Variants in LGI1 observed in about 807,000 individuals in gnomAD.
LGI1 encodes leucine rich glioma inactivated 1.
Under a neutral mutation model 57.7 loss-of-function variants are expected in LGI1, and 11 were observed. The observed-to-expected ratio is 0.19, with a 90% CI of 0.12 to 0.32. LGI1 has a LOEUF of 0.32. LGI1 is among the 10% of genes least tolerant of loss of function. LGI1 has a pLI of 1.00. For missense variants in LGI1, 422 were observed against 661.9 expected (o/e 0.64, Z 3.98); for synonymous variants, 222 against 241.9 (o/e 0.92, Z 0.76).
At chr10:93,774,513 C>T (rs1355815751) in intron 2 of LGI1, among the ~76,000 whole-genome samples, 2 of 152,146 alleles carry the variant, frequency 1.3e-5, no homozygotes, top group African/African-American at 2.4e-5. Context: ...CTAAGGCATC[C>T]TTTATCCTTT....
At chr10:93,773,856 G>T (rs892304812) in intron 2 of LGI1, among the ~76,000 whole-genome samples, 2 of 152,186 alleles carry the variant, frequency 1.3e-5, no homozygotes, top group Non-Finnish European at 2.9e-5. Context: ...TGGGGCAGAG[G>T]GCAAATTCCG....
At chr10:93,767,984 A>T (rs1564841238) in intron 2 of LGI1, 1 of 152,198 alleles carries the variant, frequency 6.6e-6, no homozygotes, top group East Asian at 1.9e-4. Context: ...AAGCTCAATG[A>T]TAAAAGAGTC....
chr10:93,792,878 T>A lies in LGI1; in HGVS notation c.639T>A (p.Ser213Arg), dbSNP rs1369506178. ...PPEYKKRKIN[S>R]LSSKDFDCII... The stretch of plus-strand genomic sequence containing the variant: ...AATACAAGAAGCGCAAAATCAATAG[T>A]CTCTCCTCGAAGGATTTTGATTGCA... Residue 213 changes from serine (S) to arginine (R), a missense_variant, in exon 6 of 8, where the codon AGT becomes AGA. Around this residue, in one of 3 missense-constraint regions of LGI1, gnomAD observed 301 missense variants for 461.7 expected, o/e 0.65. Transcript: ENST00000371418. The A allele has an allele frequency of 1.3e-5, 21 of 1,613,998 alleles. No individual in the cohort carries two copies. The highest frequency in any genetic ancestry group is 1.8e-5 in the Non-Finnish European group (21 of 1,179,964).
chr10:93,760,954 A>G (rs925273351), intron 2 of LGI1, among the ~76,000 whole-genome samples: 2 of 152,172 alleles, frequency 1.3e-5, no homozygotes, highest in Non-Finnish European at 1.5e-5. Context: ...AACTTATGCA[A>G]AATTGTCAGG....
At chr10:93,787,448 A>T (rs1187506057) in intron 4 of LGI1, among the ~76,000 whole-genome samples, 2 of 152,070 alleles carry the variant, frequency 1.3e-5, no homozygotes, top group Admixed American at 1.3e-4. Flanking sequence ...GAAGCCCTCC[A>T]TCTTGTCATG....
chr10:93,760,003 A>G (rs935163106), intron 2 of LGI1, among the ~76,000 whole-genome samples: 1 of 152,214 alleles, frequency 6.6e-6, no homozygotes, highest in African/African-American at 2.4e-5. Flanking sequence ...GGGTGTGCCA[A>G]ATGCTTACAC....
intron 2 of LGI1, chr10:93,763,996 G>C (rs987227224): frequency 5.9e-5 from 9 of 152,146 alleles, no homozygotes; most frequent in Admixed American, 1.3e-4. Context: ...TTTAAGTACT[G>C]CTTAGCCAAA....
At chr10:93,783,609 T>G (rs1163947786) in intron 4 of LGI1, among the ~76,000 whole-genome samples, 2 of 152,168 alleles carry the variant, frequency 1.3e-5, no homozygotes, top group African/African-American at 4.8e-5. Context: ...TCTCCCCCAG[T>G]GCCTTGGCAC....
At position 93,793,265 on chromosome 10, in the gene LGI1, C is replaced by T. The variant is rs1383670273; in HGVS notation, c.753C>T (p.Val251=). Residue 251 remains valine (V), a synonymous_variant, in exon 7 of 8, where the codon GTC becomes GTT. Transcript: ENST00000371418. ...TFSYLNDEYV[V]IAQPFTGKCI... ...CTTATTTGAATGATGAGTATGTAGTCATCGCTCAGCCTTTTACTGGAAAAT... is the reference window on the plus strand; with the variant it reads ...CTTATTTGAATGATGAGTATGTAGTTATCGCTCAGCCTTTTACTGGAAAAT... 4 of 1,612,722 alleles carry T rather than the reference C, an allele frequency of 2.5e-6. No individual in the cohort carries two copies. The highest frequency in any genetic ancestry group is 3.4e-6 in the Non-Finnish European group (4 of 1,178,810).
At chr10:93,796,548 C>A (rs1206785507) in intron 7 of LGI1, among the ~76,000 whole-genome samples, 1 of 152,116 alleles carries the variant, frequency 6.6e-6, no homozygotes, top group African/African-American at 2.4e-5. Context: ...ATATTTATCT[C>A]TTAAGATTGT....
rs2059803978 is a variant in LGI1 at position 93,777,363 on chromosome 10, T to C, written c.288-16T>C. On this transcript the variant is annotated splice_polypyrimidine_tract_variant and intron_variant, in intron 2 of 7. Transcript: ENST00000371418. ...TGTCAGTTTCACCATTTTCATTGTGTACTTTTTCTGGGCAGGTTATTCACA... is the reference window on the plus strand; with the variant it reads ...TGTCAGTTTCACCATTTTCATTGTGCACTTTTTCTGGGCAGGTTATTCACA... The C allele has an allele frequency of 3.7e-6, 6 of 1,611,816 alleles. No individual in the cohort carries two copies. Among genetic ancestry groups the C allele is most frequent in the Non-Finnish European group, 3.4e-6 (4 of 1,177,880 alleles).
rs2059802186 is a variant in LGI1 at position 93,777,119 on chromosome 10, T to C, written c.288-260T>C. The C allele has an allele frequency of 2.8e-5, 16 of 578,856 alleles. No individual in the cohort carries two copies. In the South Asian group the frequency reaches 2.8e-4, roughly 10 times the overall value. The allele number at this position is 578,856 out of a possible 1,614,324, so 35.9% of individuals were successfully genotyped here. A position where few individuals can be genotyped will look rare whatever the true frequency, so the allele number is the denominator to read the frequency against. ...TTGGCTATCATAGCTGCTCTGATTG[T>C]ATCTCAAAATGTCACCCAGGGTATG... On this transcript the variant is annotated intron_variant, in intron 2 of 7. Coordinates refer to ENST00000371418, the MANE Select transcript of LGI1 (RefSeq NM_005097.4).
intron 2 of LGI1, chr10:93,763,735 G>T (rs549480640): frequency 1.3e-5 from 2 of 152,238 alleles, no homozygotes; most frequent in African/African-American, 4.8e-5. Flanking sequence ...GAGATTTCCA[G>T]CATACCAGAT....
chr10:93,793,970 T>C (rs2059957301), intron 7 of LGI1: 1 of 152,092 alleles, frequency 6.6e-6, no homozygotes, highest in South Asian at 2.1e-4. Flanking sequence ...ACCCTTAATT[T>C]GGCCATGGAA....
Position 93,798,010 on chromosome 10 carries a change from T to G in LGI1, c.*207T>G, listed in dbSNP as rs2059995497. On this transcript the variant is annotated 3_prime_UTR_variant, in exon 8 of 8. Transcript: ENST00000371418. ...TACCTTTTATAAGACAAAATTTAAT[T>G]GTGTAACTGTTCTTTGCAGTGAAGA... 7 of 602,770 alleles carry G rather than the reference T, an allele frequency of 1.2e-5. No homozygotes were observed. The highest frequency in any genetic ancestry group is 1.8e-5 in the Non-Finnish European group (6 of 337,696). The allele number at this position is 602,770 out of a possible 1,614,324, so 37.3% of individuals were successfully genotyped here.
In LGI1 at chr10:93,777,058, T is replaced by C. The variant is rs189924351; in HGVS notation, c.288-321T>C. On this transcript the variant is annotated intron_variant, in intron 2 of 7. Coordinates refer to ENST00000371418, the MANE Select transcript of LGI1 (RefSeq NM_005097.4). ...AAGCAGAAAAGATTGTTAGTGCCTT[T>C]GTCATGAAAATATGTAAAATGTTGC... 246 of 440,530 alleles carry C rather than the reference T, an allele frequency of 5.6e-4. 1 individual carries two copies. The highest frequency in any genetic ancestry group is 4.5e-3 in the African/African-American group (227 of 50,346). The allele number at this position is 440,530 out of a possible 1,614,324, so 27.3% of individuals were successfully genotyped here.
intron 4 of LGI1, among the ~76,000 whole-genome samples, chr10:93,779,466 GA>G (rs1564845969): frequency 6.7e-6 from 1 of 148,842 alleles, no homozygotes; most frequent in East Asian, 2.0e-4. Context: ...AGGAGGGAAG[GA>G]AGGGAGGAAA....
Position 93,765,955 on chromosome 10 carries a change from G to A in LGI1, c.287+7124G>A, listed in dbSNP as rs537132635. 3.4e-5 allele frequency among the ~76,000 whole-genome samples: 4 copies of A among 119,218 alleles called. No individual in the cohort carries two copies. The South Asian group carries it at 9.2e-4, about 27-fold the overall frequency. 78.2% of individuals were successfully genotyped at this position (119,218 alleles called of 152,430 possible). A position where few individuals can be genotyped will look rare whatever the true frequency, so the allele number is the denominator to read the frequency against. On this transcript the variant is annotated intron_variant, in intron 2 of 7. Transcript: ENST00000371418. ...ACTGCACTCCAGCCTGGGCGACAGA[G>A]TAAGCCTCCGTCTCAAAAAAAAAAA...
intron 2 of LGI1, among the ~76,000 whole-genome samples, chr10:93,774,076 A>T (rs2059768565): frequency 6.6e-6 from 1 of 152,186 alleles, no homozygotes; most frequent in African/African-American, 2.4e-5. Flanking sequence ...GGGACAAGAA[A>T]GTCCACAGCT....
Sources: gnomAD v4.1 joint callset for allele counts (sites outside exome capture counted in the v4.1 genomes callset) on GRCh38, gnomAD v4.1.1 for gene constraint, gnomAD v4.1.1 regional missense constraint, MANE v1.5 for transcripts, NCBI Gene and HGNC (gene_info 2026-07-23, HGNC 2026-07-21) for gene names.